The following PCBD2 variants were observed in gnomAD, a reference collection of about 807,000 sequenced individuals.
PCBD2 encodes pterin-4 alpha-carbinolamine dehydratase 2, also known as pterin-4-alpha-carbinolamine dehydratase 2.
In PCBD2, 12 loss-of-function variants were observed where a neutral mutation model predicts 16.4. That is an observed-to-expected ratio of 0.73 (90% CI 0.47 to 1.19). The LOEUF (loss-of-function observed/expected upper bound fraction) is 1.19, where lower values mean the gene tolerates loss of function less well. Ranked by LOEUF, PCBD2 falls within the 50% of genes most tolerant of loss-of-function variation. PCBD2 has a pLI of 0.00. For synonymous variants in PCBD2, 58 were observed against 61.8 expected (o/e 0.94, Z 0.29); for missense variants, 138 against 156.8 (o/e 0.88, Z 0.64).
chr5:134,933,209 C>T (rs1319275714), intron 2 of PCBD2, among the ~76,000 whole-genome samples: 1 of 152,082 alleles, frequency 6.6e-6, no homozygotes, highest in East Asian at 1.9e-4. Flanking sequence ...TGAATATTTT[C>T]ACATCAGTAA....
At chr5:134,933,531 T>TGTA (rs1751122804) in intron 2 of PCBD2, among the ~76,000 whole-genome samples, 1 of 152,236 alleles carries the variant, frequency 6.6e-6, no homozygotes, top group Non-Finnish European at 1.5e-5. Context: ...CCACTGCAGC[T>TGTA]GGCTTACCAC....
intron 2 of PCBD2, among the ~76,000 whole-genome samples, chr5:134,918,366 G>A (rs554265105): frequency 9.9e-5 from 15 of 152,226 alleles, no homozygotes; most frequent in Admixed American, 6.5e-4. Flanking sequence ...TCAGCTGGGC[G>A]TGGTAGAAGG....
At chr5:134,911,125 A>C (rs1259520532) in intron 2 of PCBD2, among the ~76,000 whole-genome samples, 6 of 152,192 alleles carry the variant, frequency 3.9e-5, no homozygotes, top group Admixed American at 1.3e-4. Flanking sequence ...GCATGAATAA[A>C]ACTGGTTGAG....
intron 2 of PCBD2, among the ~76,000 whole-genome samples, chr5:134,936,178 A>T (rs1483851104): frequency 6.6e-6 from 1 of 152,172 alleles, no homozygotes; most frequent in East Asian, 1.9e-4. Flanking sequence ...TTTTTTGTGT[A>T]CTTAGGATCA....
chr5:134,946,992 A>G (rs2149538774), intron 2 of PCBD2, among the ~76,000 whole-genome samples: 1 of 152,264 alleles, frequency 6.6e-6, no homozygotes, highest in African/African-American at 2.4e-5. Flanking sequence ...AACTGGAATT[A>G]TGTAGTGTTA....
intron 2 of PCBD2, among the ~76,000 whole-genome samples, chr5:134,934,598 A>G (rs191759135): frequency 9.8e-4 from 150 of 152,356 alleles, no homozygotes; most frequent in African/African-American, 3.2e-3. Context: ...TTTGGTTGAA[A>G]TACATCTATG....
Position 134,962,594 on chromosome 5 carries a change from C to T in PCBD2, c.*1913C>T, listed in dbSNP as rs1751491873. On this transcript the variant is annotated 3_prime_UTR_variant, in exon 4 of 4. Coordinates refer to ENST00000254908, the MANE Select transcript of PCBD2 (RefSeq NM_032151.5). Reference sequence around the variant, plus strand: ...AAGCTAAAGTTGATTTGGATTTTAGCTGCCGTTACTACTTATATAATTAAT... The same window carrying T: ...AAGCTAAAGTTGATTTGGATTTTAGTTGCCGTTACTACTTATATAATTAAT... Among the ~76,000 whole-genome samples the T allele has an allele frequency of 6.6e-6, 1 of 152,122 alleles. No individual in the cohort carries two copies. The highest frequency in any genetic ancestry group is 1.5e-5 in the Non-Finnish European group (1 of 68,030).
At chr5:134,958,499 C>G (rs1336985250) in intron 2 of PCBD2, among the ~76,000 whole-genome samples, 1 of 152,172 alleles carries the variant, frequency 6.6e-6, no homozygotes, top group Non-Finnish European at 1.5e-5. Context: ...ACTCTAGGTG[C>G]CAATAGTCTT....
chr5:134,915,945 C>T (rs1750827203), intron 2 of PCBD2, among the ~76,000 whole-genome samples: 2 of 152,178 alleles, frequency 1.3e-5, no homozygotes, highest in African/African-American at 4.8e-5. Context: ...GAACTAAAGA[C>T]ACCCTCTCCC....
At chr5:134,939,340 G>GTT (rs11301782) in intron 2 of PCBD2, among the ~76,000 whole-genome samples, 4 of 138,572 alleles carry the variant, frequency 2.9e-5, no homozygotes, top group African/African-American at 5.2e-5. Flanking sequence ...ATGTTTTGTT[G>GTT]TTTTTTTTTT....
chr5:134,939,029 G>A (rs1020995248), intron 2 of PCBD2, among the ~76,000 whole-genome samples: 1 of 152,150 alleles, frequency 6.6e-6, no homozygotes, highest in Admixed American at 6.5e-5. Context: ...TTGTGAGCAC[G>A]CATAAATCTG....
intron 2 of PCBD2, among the ~76,000 whole-genome samples, chr5:134,934,315 C>G (rs913614749): frequency 6.6e-6 from 1 of 151,964 alleles, no homozygotes; most frequent in African/African-American, 2.4e-5. Context: ...TTCTTGGGCC[C>G]GATGAATGAC....
chr5:134,950,810 C>G (rs1029422485), intron 2 of PCBD2, among the ~76,000 whole-genome samples: 5 of 152,134 alleles, frequency 3.3e-5, no homozygotes, highest in African/African-American at 1.2e-4. Flanking sequence ...AAACTATTAT[C>G]AGCCATTATA....
intron 2 of PCBD2, among the ~76,000 whole-genome samples, chr5:134,931,075 G>A (rs796866917): frequency 2.6e-5 from 4 of 152,008 alleles, no homozygotes; most frequent in African/African-American, 9.6e-5. Flanking sequence ...CCACCACCAT[G>A]CCCGGCTAAT....
chr5:134,940,540 T>C (rs1751213689), intron 2 of PCBD2, among the ~76,000 whole-genome samples: 1 of 152,190 alleles, frequency 6.6e-6, no homozygotes, highest in African/African-American at 2.4e-5. Context: ...AAGTTTGCAC[T>C]GGGTGCTTGA....
chr5:134,941,118 G>GAAAAAAA (rs764468793), intron 2 of PCBD2, among the ~76,000 whole-genome samples: 1 of 80,208 alleles, frequency 1.2e-5, no homozygotes, highest in African/African-American at 4.9e-5. Context: ...CCATCTCAAG[G>GAAAAAAA]AAAAAAAAAA....
At position 134,940,949 on chromosome 5, in the gene PCBD2, G is replaced by GTC. The variant is rs141351404; in HGVS notation, c.217-18087_217-18086dup. ...ATCCTGGCCAACACGGTGAAATCCC[G>GTC]TCTCTACTAAAAGTACAAAAATTAG... On this transcript the variant is annotated intron_variant, in intron 2 of 3. Coordinates refer to ENST00000254908, the MANE Select transcript of PCBD2 (RefSeq NM_032151.5). Among the ~76,000 whole-genome samples the GTC allele has an allele frequency of 3.4e-3, 521 of 151,970 alleles. 7 individuals are homozygous for GTC. In the East Asian group the frequency reaches 0.039, roughly 11 times the overall value.
intron 2 of PCBD2, among the ~76,000 whole-genome samples, chr5:134,936,155 G>A (rs185065468): frequency 3.9e-5 from 6 of 152,300 alleles, no homozygotes; most frequent in Admixed American, 6.5e-5. Context: ...ATTTCTTGGC[G>A]AATTTTAATG....
At chr5:134,921,153 G>A (rs1750899039) in intron 2 of PCBD2, among the ~76,000 whole-genome samples, 1 of 152,244 alleles carries the variant, frequency 6.6e-6, no homozygotes, top group Non-Finnish European at 1.5e-5. Flanking sequence ...TGAGGGGCTA[G>A]TGCTGGTCTG....
Sources: allele counts gnomAD v4.1 joint callset (sites outside exome capture counted in the v4.1 genomes callset), GRCh38; gene constraint gnomAD v4.1.1; transcripts MANE v1.5; gene names NCBI Gene and HGNC (gene_info 2026-07-23, HGNC 2026-07-21).